ARID4B: variants seen among roughly 807,000 people sequenced by gnomAD.
The protein encoded by ARID4B is AT-rich interaction domain 4B.
A neutral mutation model predicts 147.5 loss-of-function variants in ARID4B; 26 were observed. The ratio of observed to expected loss-of-function variants is 0.18; its 90% CI spans 0.13 to 0.24. ARID4B has a LOEUF of 0.24. Among genes scored for constraint, ARID4B ranks in the 10% least tolerant of loss-of-function variants. ARID4B has a pLI of 1.00. For synonymous variants in ARID4B, 512 were observed against 507.9 expected (o/e 1.01, Z -0.11); for missense variants, 1,179 against 1,511.5 (o/e 0.78, Z 3.65).
chr1:235,191,948 C>T (rs950079787), intron 19 of ARID4B, among the ~76,000 whole-genome samples: 4 of 152,012 alleles, frequency 2.6e-5, no homozygotes, highest in Non-Finnish European at 4.4e-5. Flanking sequence ...CATGGTGGCA[C>T]ACACCTGTAG....
intron 8 of ARID4B, among the ~76,000 whole-genome samples, chr1:235,236,834 A>ATATATATATATATATATATATATGTG (rs1558233369): frequency 0.038 from 812 of 21,098 alleles, 133 homozygotes; most frequent in South Asian, 0.2. Context: ...TTTATAAAAA[A>ATATATATATATATATATATATATGTG]TATATATATA....
chr1:235,314,274 T>C (rs1251070571), intron 2 of ARID4B, among the ~76,000 whole-genome samples: 1 of 152,178 alleles, frequency 6.6e-6, no homozygotes, highest in Non-Finnish European at 1.5e-5. Flanking sequence ...CCTCTAATAA[T>C]ACAACTGCCA....
chr1:235,261,884 C>CAGGAAA (rs1300013921), intron 2 of ARID4B, among the ~76,000 whole-genome samples: 1 of 152,158 alleles, frequency 6.6e-6, no homozygotes, highest in Non-Finnish European at 1.5e-5. Flanking sequence ...ACTAACATCC[C>CAGGAAA]AGGACGTTCC....
chr1:235,216,203 GATTT>G (rs1667065697), intron 16 of ARID4B, among the ~76,000 whole-genome samples: 1 of 151,406 alleles, frequency 6.6e-6, no homozygotes, highest in African/African-American at 2.4e-5. Flanking sequence ...AAATTCTCAA[GATTT>G]ATTCCTATTT....
At position 235,294,441 on chromosome 1, in the gene ARID4B, T is replaced by C. The variant is rs58252797; in HGVS notation, c.6+32473A>G. 3.3e-4 allele frequency among the ~76,000 whole-genome samples: 36 copies of C among 107,682 alleles called. 1 individual carries two copies. Among genetic ancestry groups the C allele is most frequent in the African/African-American group, 1.2e-3 (34 of 28,266 alleles). The allele number at this position is 107,682 out of a possible 152,430, so 70.6% of individuals were successfully genotyped here. A position where few individuals can be genotyped will look rare whatever the true frequency, so the allele number is the denominator to read the frequency against. ...AATTCTCCCGCTTGAACCCAGGGGT[T>C]CAAGCAATTCTCCCGCTTGAACCCA... On this transcript the variant is annotated intron_variant, in intron 2 of 23. Transcript: ENST00000264183.
At chr1:235,192,787 A>G (rs1665203813) in intron 19 of ARID4B, among the ~76,000 whole-genome samples, 3 of 152,188 alleles carry the variant, frequency 2.0e-5, no homozygotes, top group African/African-American at 7.2e-5. Context: ...TGCCTTAAAT[A>G]CTAAGCAATA....
Position 235,167,582 on chromosome 1 carries a change from T to C in ARID4B, c.*943A>G. 4.6e-6 allele frequency: 1 copy of C among 218,770 alleles called. No homozygotes were observed. Among genetic ancestry groups the C allele is most frequent in the Non-Finnish European group, 9.2e-6 (1 of 108,736 alleles). The allele number at this position is 218,770 out of a possible 1,614,324, so 13.6% of individuals were successfully genotyped here. A position where few individuals can be genotyped will look rare whatever the true frequency, so the allele number is the denominator to read the frequency against. ...AGTTCCTATCAACAATCTTGAACCA[T>C]ACTAATACATTACTTGTTCCTGAAG... On this transcript the variant is annotated 3_prime_UTR_variant, in exon 24 of 24. Transcript: ENST00000264183.
chr1:235,246,559 GC>G (rs1669311313), intron 6 of ARID4B, 48 bp from the exon 7 acceptor site: 1 of 1,338,468 alleles, frequency 7.5e-7, no homozygotes, highest in Non-Finnish European at 1.1e-6. Context: ...CTTTGCAAGT[GC>G]CTTCTTTGTT....
In ARID4B at chr1:235,194,171, G is replaced by C. The variant is rs756689001; in HGVS notation, c.1967C>G (p.Ser656Cys). The C allele has an allele frequency of 6.2e-7, 1 of 1,612,738 alleles. No individual in the cohort carries two copies. Among genetic ancestry groups the C allele is most frequent in the East Asian group, 2.2e-5 (1 of 44,832 alleles). The change falls in exon 19 of 24, where the codon TCT (serine) becomes TGT (cysteine). Residue 656 changes from serine to cysteine, a missense_variant. This residue lies in a region of ARID4B where 321 missense variants were observed against 342.4 expected (regional missense o/e 0.94). Transcript: ENST00000264183. ...DKEKDKDEKY[S>C]PKNCKLRRLS... ...GCGCCGAAGTTTACAGTTTTTTGGA[G>C]AGTATTTTTCATCTTTGTCTTTTTC...
chr1:235,308,260 A>C (rs1673720209), intron 2 of ARID4B, among the ~76,000 whole-genome samples: 1 of 116,610 alleles, frequency 8.6e-6, no homozygotes, highest in African/African-American at 3.2e-5. Context: ...TACCATGCAC[A>C]GCTAATTTTT....
intron 2 of ARID4B, among the ~76,000 whole-genome samples, chr1:235,297,019 T>C (rs943074229): frequency 9.9e-5 from 15 of 152,050 alleles, no homozygotes; most frequent in South Asian, 2.1e-4. Context: ...TATATATATA[T>C]TTGATGTCAT....
At chr1:235,237,616 G>T (rs1231517902) in intron 8 of ARID4B, among the ~76,000 whole-genome samples, 1 of 152,088 alleles carries the variant, frequency 6.6e-6, no homozygotes, top group African/African-American at 2.4e-5. Flanking sequence ...TAAAAACAAA[G>T]GTAGTTCTAT....
intron 5 of ARID4B, among the ~76,000 whole-genome samples, chr1:235,255,076 T>A (rs10218722): frequency 6.6e-6 from 1 of 151,878 alleles, no homozygotes; most frequent in East Asian, 1.9e-4. Flanking sequence ...GGTATCCTAA[T>A]TAAGTACCTA....
intron 9 of ARID4B, among the ~76,000 whole-genome samples, chr1:235,231,523 G>C (rs907921961): frequency 6.6e-6 from 1 of 152,176 alleles, no homozygotes; most frequent in Non-Finnish European, 1.5e-5. Flanking sequence ...GTCTCACTCT[G>C]TCATCCAGAC....
At chr1:235,198,153 CATT>C (rs1465458417) in intron 17 of ARID4B, among the ~76,000 whole-genome samples, 3 of 152,168 alleles carry the variant, frequency 2.0e-5, no homozygotes, top group Non-Finnish European at 4.4e-5. Context: ...CTGCACATAA[CATT>C]AATGTGAGCT....
rs572268031 is a variant in ARID4B at position 235,182,853 on chromosome 1, T to C, written c.2126-60A>G. On this transcript the variant is annotated intron_variant, in intron 19 of 23. Coordinates refer to ENST00000264183, the MANE Select transcript of ARID4B (RefSeq NM_016374.6). ...ATAAGAACACTAGCAATGTCTTCTATGTGCCAGGGACTGTATATATTAGGT... is the reference window on the plus strand; with the variant it reads ...ATAAGAACACTAGCAATGTCTTCTACGTGCCAGGGACTGTATATATTAGGT... The C allele has an allele frequency of 5.3e-6, 8 of 1,496,790 alleles. No homozygotes were observed. In the East Asian group the frequency reaches 1.8e-4, roughly 34 times the overall value. 92.7% of individuals were successfully genotyped at this position (1,496,790 alleles called of 1,614,324 possible).
At chr1:235,306,528 T>A (rs1673579978) in intron 2 of ARID4B, among the ~76,000 whole-genome samples, 1 of 151,964 alleles carries the variant, frequency 6.6e-6, no homozygotes. Flanking sequence ...TGGACTGTGC[T>A]AATTACTAAA....
chr1:235,178,099 C>T (rs1031404139), intron 20 of ARID4B, among the ~76,000 whole-genome samples, 186 bp from the exon 21 acceptor site: 7 of 152,080 alleles, frequency 4.6e-5, no homozygotes, highest in African/African-American at 1.7e-4. Context: ...AATTCTTATA[C>T]ATAATAAAAG....
chr1:235,261,754 G>A (rs1024422812), intron 2 of ARID4B, among the ~76,000 whole-genome samples: 1 of 152,016 alleles, frequency 6.6e-6, no homozygotes, highest in Admixed American at 6.6e-5. Flanking sequence ...CTGCTCTTAC[G>A]TTTTACATTC....
Sources: allele counts gnomAD v4.1 joint callset (sites outside exome capture counted in the v4.1 genomes callset), GRCh38; gene constraint gnomAD v4.1.1; regional missense constraint gnomAD v4.1.1; transcripts MANE v1.5; gene names NCBI Gene and HGNC (gene_info 2026-07-23, HGNC 2026-07-21).